COL4A4: variants seen among roughly 807,000 people sequenced by gnomAD.
The protein encoded by COL4A4 is collagen type IV alpha 4 chain.
A neutral mutation model predicts 192.9 loss-of-function variants in COL4A4; 105 were observed. That is an observed-to-expected ratio of 0.54 (90% CI 0.46 to 0.64). The LOEUF (loss-of-function observed/expected upper bound fraction) is 0.64, where lower values mean the gene tolerates loss of function less well. Ranked by LOEUF, COL4A4 falls within the 30% of genes least tolerant of loss-of-function variation. COL4A4 has a pLI of 0.00. For missense variants in COL4A4, 1,967 were observed against 2,169.3 expected, an observed-to-expected ratio of 0.91 and a Z score of 1.85; for synonymous variants, 762 against 769.9, an observed-to-expected ratio of 0.99 and a Z score of 0.17.
rs781660254 is a variant in COL4A4, at chr2:227,059,476, C to T, written c.2312G>A (p.Gly771Glu). Residue 771 changes from glycine (G) to glutamate (E), a missense_variant, in exon 28 of 48, where the codon GGA becomes GAA. Physicochemically the swap from Gly to Glu is moderately conservative, Grantham distance 98 (BLOSUM62 -2). Transcript: ENST00000396625. ...TGGCACTCCTGAAAGACCCCTCTTT[C>T]CCGGGGGTCCCAGGTGACCAAATGC... ...DPAFGHLGPP[G>E]KRGLSGVPGI... 1.2e-5 allele frequency: 19 copies of T among 1,614,182 alleles called. No homozygotes were observed. The highest frequency in any genetic ancestry group is 1.6e-5 in the Non-Finnish European group (19 of 1,180,034).
chr2:227,041,836 G>GAA (rs373573382), intron 37 of COL4A4, among the ~76,000 whole-genome samples: 3 of 50,162 alleles, frequency 6.0e-5, no homozygotes, highest in African/African-American at 3.2e-4. Flanking sequence ...AAGAAAGAAA[G>GAA]AAAGAAAGAA....
rs751859861 is a variant in COL4A4 at position 227,042,203 on chromosome 2, A to T, written c.3450T>A (p.Pro1150=). 9.9e-6 allele frequency: 16 copies of T among 1,613,702 alleles called. No individual in the cohort carries two copies. The East Asian group carries it at 3.1e-4, about 31-fold the overall frequency. ...LRGQPGEMGD[P]GPRGLQGDPG... is the part of the protein sequence containing the mutation. Reference sequence around the variant, plus strand: ...GATCCCCCTGGAGGCCTCTTGGCCCAGGGTCTCCCATTTCTCCTGGCTGTC... The same window carrying T: ...GATCCCCCTGGAGGCCTCTTGGCCCTGGGTCTCCCATTTCTCCTGGCTGTC... Residue 1150 remains proline, a synonymous_variant, in exon 37 of 48, where the codon CCT becomes CCA. Coordinates refer to ENST00000396625, the MANE Select transcript of COL4A4 (RefSeq NM_000092.5).
Position 227,003,615 on chromosome 2 carries a change from A to G in COL4A4, c.*3710T>C, listed in dbSNP as rs1370796100. On this transcript the variant is annotated 3_prime_UTR_variant, in exon 48 of 48. Coordinates refer to ENST00000396625, the MANE Select transcript of COL4A4 (RefSeq NM_000092.5). ...CTGTAATCTACACGAGGTTCAAAATAAGATGATAAAGCCCAATTGTAGTGC... is the reference window on the plus strand; with the variant it reads ...CTGTAATCTACACGAGGTTCAAAATGAGATGATAAAGCCCAATTGTAGTGC... The G allele has an allele frequency of 2.6e-5, 4 of 152,366 alleles. No individual in the cohort carries two copies. The highest frequency in any genetic ancestry group is 2.1e-4 in the South Asian group (1 of 4,832). 9.4% of individuals were successfully genotyped at this position (152,366 alleles called of 1,614,324 possible). A position where few individuals can be genotyped will look rare whatever the true frequency, so the allele number is the denominator to read the frequency against.
chr2:227,108,474 G>T, intron 12 of COL4A4, 107 bp downstream of exon 12: 1 of 1,064,246 alleles, frequency 9.4e-7, no homozygotes, highest in Non-Finnish European at 1.5e-6. Flanking sequence ...ATAAAATTGG[G>T]CAGTGACTAG....
chr2:227,077,971 G>A lies in COL4A4; in HGVS notation c.1910C>T (p.Pro637Leu). ...VGPPGLGFPG[P>L]PGERGHPGVP... ...TCCTGGGTGGCCTCGCTCTCCTGGTGGACCAGGAAATCCCAGTCCTGGGGG... is the reference window on the plus strand; with the variant it reads ...TCCTGGGTGGCCTCGCTCTCCTGGTAGACCAGGAAATCCCAGTCCTGGGGG... Residue 637 changes from proline to leucine, a missense_variant, in exon 25 of 48, where the codon CCA becomes CTA. Transcript: ENST00000396625. 1.2e-6 allele frequency: 2 copies of A among 1,613,796 alleles called. No individual in the cohort carries two copies. The highest frequency in any genetic ancestry group is 1.7e-6 in the Non-Finnish European group (2 of 1,179,968).
chr2:227,144,747 C>G (rs2063435843), intron 2 of COL4A4, among the ~76,000 whole-genome samples, 189 bp from the exon 3 acceptor site: 1 of 152,192 alleles, frequency 6.6e-6, no homozygotes, highest in African/African-American at 2.4e-5. Context: ...TGCCTTTCCT[C>G]TTTTTAATCA....
chr2:227,148,252 G>T (rs957835057), intron 1 of COL4A4, among the ~76,000 whole-genome samples: 1 of 152,114 alleles, frequency 6.6e-6, no homozygotes, highest in Non-Finnish European at 1.5e-5. Context: ...AACACAACCC[G>T]CATGTCCATC....
At chr2:226,982,155 G>GT in the COL4A4 span, among the ~76,000 whole-genome samples, 1 of 152,246 alleles carries the variant, frequency 6.6e-6, no homozygotes. Flanking sequence ...TGGGCTGGGA[G>GT]GTTCCCAGTG....
At chr2:227,060,876 C>T (rs531986875) in intron 26 of COL4A4, among the ~76,000 whole-genome samples, 119 of 152,068 alleles carry the variant, frequency 7.8e-4, no homozygotes, top group African/African-American at 2.5e-3. Flanking sequence ...TGCAGGCGCC[C>T]GCCACCACGC....
At chr2:227,053,012 T>C (rs573497237) in intron 31 of COL4A4, among the ~76,000 whole-genome samples, 1 of 151,836 alleles carries the variant, frequency 6.6e-6, no homozygotes, top group South Asian at 2.1e-4. Context: ...TGTTAAACCA[T>C]TGCTAACTTT....
chr2:227,089,491 A>G (rs546114099), intron 21 of COL4A4, among the ~76,000 whole-genome samples: 1 of 151,352 alleles, frequency 6.6e-6, no homozygotes, highest in Admixed American at 6.6e-5. Flanking sequence ...AAAATCAAAC[A>G]TCAATACTGT....
chr2:227,119,613 G>C (rs935930571), intron 6 of COL4A4, among the ~76,000 whole-genome samples: 1 of 148,310 alleles, frequency 6.7e-6, no homozygotes, highest in African/African-American at 2.5e-5. Flanking sequence ...GTGGGGGATT[G>C]AAAGTAACAG....
In COL4A4 at chr2:227,088,691, G is replaced by A. The variant is rs2059732638; in HGVS notation, c.1585C>T (p.Pro529Ser). Residue 529 changes from proline (P) to serine (S), a missense_variant, in exon 22 of 48, where the codon CCA becomes TCA. Pro to Ser is a moderately conservative substitution (Grantham distance 74). Coordinates refer to ENST00000396625, the MANE Select transcript of COL4A4 (RefSeq NM_000092.5). Reference sequence around the variant, plus strand: ...GGTCCTTCAGCACCAGGAGGTCCTGGGTCACCTTTTGTTCCAAGCCAGCCA... The same window carrying A: ...GGTCCTTCAGCACCAGGAGGTCCTGAGTCACCTTTTGTTCCAAGCCAGCCA... ...LPGWLGTKGD[P>S]GPPGAEGPPG... The A allele has an allele frequency of 1.9e-6, 3 of 1,613,942 alleles. No homozygotes were observed. Among genetic ancestry groups the A allele is most frequent in the Non-Finnish European group, 2.5e-6 (3 of 1,180,014 alleles).
chr2:227,084,246 T>C (rs115808031), intron 22 of COL4A4, among the ~76,000 whole-genome samples: 378 of 152,264 alleles, frequency 2.5e-3, no homozygotes, highest in African/African-American at 8.7e-3. Flanking sequence ...GCCCAAGAAA[T>C]GGATAAAGAA....
At chr2:227,048,064 C>T (rs1973276802) in intron 34 of COL4A4, among the ~76,000 whole-genome samples, 1 of 152,100 alleles carries the variant, frequency 6.6e-6, no homozygotes, top group Non-Finnish European at 1.5e-5. Context: ...GCCATGACTC[C>T]CACAGTCCCA....
At chr2:227,079,745 A>T (rs2059219688) in intron 24 of COL4A4, among the ~76,000 whole-genome samples, 1 of 152,206 alleles carries the variant, frequency 6.6e-6, no homozygotes, top group African/African-American at 2.4e-5. Flanking sequence ...TTCTTACTGT[A>T]AAATTGGAAA....
Position 227,119,935 on chromosome 2 carries a change from G to A in COL4A4, c.332C>T (p.Pro111Leu), listed in dbSNP as rs2061688254. 4 of 1,578,466 alleles carry A rather than the reference G, an allele frequency of 2.5e-6. No homozygotes were observed. The highest frequency in any genetic ancestry group is 4.6e-5 in the East Asian group (2 of 43,310). ...ACCTGGAAATCCAGGAACACCAGTT[G>A]GACCCTAAAATCCCAGAAAATAAAA... Reference protein sequence around the residue: ...GAAGDKGDKGPTGVPGFPGLD... With the variant: ...GAAGDKGDKGLTGVPGFPGLD... Residue 111 changes from proline (P) to leucine (L), a missense_variant, in exon 6 of 48, where the codon CCA (proline) becomes CTA (leucine). Coordinates refer to ENST00000396625, the MANE Select transcript of COL4A4 (RefSeq NM_000092.5).
intron 35 of COL4A4, among the ~76,000 whole-genome samples, chr2:227,046,144 T>C (rs1466656376): frequency 6.8e-6 from 1 of 147,688 alleles, no homozygotes; most frequent in Non-Finnish European, 1.5e-5. Context: ...GAAAGACCCA[T>C]AGCAAAGAAG....
chr2:227,034,866 T>C (rs912441365), intron 37 of COL4A4, among the ~76,000 whole-genome samples: 1 of 151,474 alleles, frequency 6.6e-6, no homozygotes, highest in African/African-American at 2.4e-5. Context: ...GATTTCCAAT[T>C]TCATCCATGT....
Sources: allele counts gnomAD v4.1 joint callset (sites outside exome capture counted in the v4.1 genomes callset), GRCh38; gene constraint gnomAD v4.1.1; transcripts MANE v1.5; gene names NCBI Gene and HGNC (gene_info 2026-07-23, HGNC 2026-07-21).